HDGF: variants seen among roughly 807,000 people sequenced by gnomAD.
HDGF encodes the protein heparin binding growth factor, also known as hepatoma-derived growth factor.
Under a neutral mutation model 30.0 loss-of-function variants are expected in HDGF, and 5 were observed. That is an observed-to-expected ratio of 0.17 (90% CI 0.09 to 0.35). The LOEUF is 0.35. Among genes scored for constraint, HDGF ranks in the 10% least tolerant of loss-of-function variants. The probability of loss-of-function intolerance (pLI) is 1.00; values close to 1 mark genes in which losing one functional copy is unlikely to be tolerated. For synonymous variants in HDGF, 133 were observed against 112.7 expected (o/e 1.18, Z -1.14); for missense variants, 214 against 302.8 (o/e 0.71, Z 2.18).
upstream of HDGF, among the ~76,000 whole-genome samples, chr1:156,754,078 G>C (rs1651110024): frequency 6.6e-6 from 1 of 151,770 alleles, no homozygotes; most frequent in Non-Finnish European, 1.5e-5. Flanking sequence ...ACCACGCCAG[G>C]CTAATTTTTG....
intron 1 of HDGF, among the ~76,000 whole-genome samples, chr1:156,764,323 G>T (rs1467698914): frequency 6.6e-6 from 1 of 151,974 alleles, no homozygotes; most frequent in African/African-American, 2.4e-5. Flanking sequence ...CCACCTCCCG[G>T]GTTCAAGCGA....
At chr1:156,747,879 C>A (rs1026523960) in intron 1 of HDGF, among the ~76,000 whole-genome samples, 1 of 152,172 alleles carries the variant, frequency 6.6e-6, no homozygotes, top group African/African-American at 2.4e-5. Context: ...GCCACCCCAG[C>A]TTCCCATGGA....
intron 1 of HDGF, among the ~76,000 whole-genome samples, chr1:156,745,894 T>C (rs557833640): frequency 6.6e-6 from 1 of 152,352 alleles, no homozygotes; most frequent in South Asian, 2.1e-4. Context: ...TTTCCTCATC[T>C]GTAAAAGGGA....
At chr1:156,746,875 G>A (rs1210133186) in intron 1 of HDGF, among the ~76,000 whole-genome samples, 3 of 152,206 alleles carry the variant, frequency 2.0e-5, no homozygotes, top group African/African-American at 7.2e-5. Context: ...CACAGAGACA[G>A]GGACAGAGGG....
chr1:156,753,949 T>C (rs1206113430), upstream of HDGF, among the ~76,000 whole-genome samples: 3 of 151,590 alleles, frequency 2.0e-5, no homozygotes, highest in Non-Finnish European at 2.9e-5. Flanking sequence ...GGAGTCTCGC[T>C]CTGTTCCCCG....
intron 1 of HDGF, among the ~76,000 whole-genome samples, chr1:156,748,040 T>C (rs1571549776): frequency 6.6e-6 from 1 of 152,120 alleles, no homozygotes; most frequent in Non-Finnish European, 1.5e-5. Context: ...TGCTGACTTC[T>C]AGCTACATAA....
intron 1 of HDGF, among the ~76,000 whole-genome samples, chr1:156,747,848 G>T (rs2102717470): frequency 6.6e-6 from 1 of 152,268 alleles, no homozygotes; most frequent in South Asian, 2.1e-4. Flanking sequence ...CTGCAAAGTG[G>T]CTACCTGGCC....
chr1:156,744,519 G>A lies in HDGF; in HGVS notation c.304-171C>T, dbSNP rs766655471. On this transcript the variant is annotated intron_variant, in intron 3 of 5. Coordinates refer to ENST00000357325, the MANE Select transcript of HDGF (RefSeq NM_004494.3). ...GACCCACCTCTGTCGGATTAGCCCC[G>A]GGGTAAACCCACTGGCCGGGCAGGC... The A allele has an allele frequency of 5.3e-5, 81 of 1,534,812 alleles. No homozygotes were observed. In the Middle Eastern group the frequency reaches 1.0e-3, roughly 19 times the overall value.
At chr1:156,767,213 C>T, upstream of HDGF, among the ~76,000 whole-genome samples, 1 of 152,186 alleles carries the variant, frequency 6.6e-6, no homozygotes, top group Non-Finnish European at 1.5e-5. Flanking sequence ...ATCTTAGTGG[C>T]CAAGGGGCTA....
chr1:156,758,616 T>TAAAA, intron 2 of HDGF, among the ~76,000 whole-genome samples: 1 of 127,934 alleles, frequency 7.8e-6, no homozygotes, highest in Admixed American at 8.4e-5. Context: ...AATAAATAAA[T>TAAAA]AAATAAAAAA....
At chr1:156,746,762 C>T (rs1326589075) in intron 1 of HDGF, among the ~76,000 whole-genome samples, 1 of 152,172 alleles carries the variant, frequency 6.6e-6, no homozygotes, top group Admixed American at 6.5e-5. Flanking sequence ...CTTGCAGCAG[C>T]CCCAGCAGCC....
intron 1 of HDGF, among the ~76,000 whole-genome samples, chr1:156,761,717 G>A (rs1458044309): frequency 3.3e-5 from 5 of 151,720 alleles, no homozygotes; most frequent in South Asian, 2.1e-4. Flanking sequence ...GGAGGCTGAG[G>A]CGGGCGGATC....
At position 156,743,127 on chromosome 1, in the gene HDGF, G is replaced by A; in HGVS notation, c.*322C>T. 2 of 296,152 alleles carry A rather than the reference G, an allele frequency of 6.8e-6. No homozygotes were observed. Among genetic ancestry groups the A allele is most frequent in the Non-Finnish European group, 1.3e-5 (2 of 159,390 alleles). 18.3% of individuals were successfully genotyped at this position (296,152 alleles called of 1,614,324 possible). On this transcript the variant is annotated 3_prime_UTR_variant, in exon 6 of 6. Transcript: ENST00000357325. The stretch of plus-strand genomic sequence containing the variant: ...AGTGGGAGAAGGGTGTCAGGAGGTG[G>A]GAGCAGTTGTCCCAGGCCCCAGCAG...
At chr1:156,752,651 G>A (rs188829841), upstream of HDGF, among the ~76,000 whole-genome samples, 4 of 152,336 alleles carry the variant, frequency 2.6e-5, no homozygotes, top group East Asian at 7.7e-4. Context: ...TATATGCTAA[G>A]AAGTGATAGA....
chr1:156,750,421 CACACCA>C (rs1650881616), intron 1 of HDGF, among the ~76,000 whole-genome samples: 1 of 152,184 alleles, frequency 6.6e-6, no homozygotes, highest in Non-Finnish European at 1.5e-5. Context: ...ACATGATGAG[CACACCA>C]GGCTTGGCTG....
chr1:156,751,676 A>C, upstream of HDGF: 1 of 1,091,992 alleles, frequency 9.2e-7, no homozygotes, highest in Non-Finnish European at 1.1e-6. The surrounding 1 kb of genome is among the most constrained non-coding windows in gnomAD (Gnocchi z 4.7). Flanking sequence ...TTTGTGTTTG[A>C]AATTCAATTG....
upstream of HDGF, among the ~76,000 whole-genome samples, chr1:156,756,173 A>C (rs1651151736): frequency 6.6e-6 from 1 of 152,156 alleles, no homozygotes; most frequent in African/African-American, 2.4e-5. Context: ...AATCGCCTGA[A>C]CCCAGGAGGT....
rs113137442 is a variant in HDGF at position 156,743,756 on chromosome 1, G to C, written c.612C>G (p.Pro204=). The C allele has an allele frequency of 6.3e-7, 1 of 1,598,602 alleles. No homozygotes were observed. The highest frequency in any genetic ancestry group is 2.2e-5 in the East Asian group (1 of 44,736). The stretch of plus-strand genomic sequence containing the variant: ...CTTGGGGAGGCCCCCGGCCAGAGCC[G>C]GGCTCAGAGGGGGTGCTATTCTTTT... ...EVEKNSTPSE[P]GSGRGPPQEE... The change falls in exon 5 of 6, where the codon CCC becomes CCG. Residue 204 remains proline (P), a synonymous_variant. Transcript: ENST00000357325.
chr1:156,748,625 C>T (rs755712554), intron 1 of HDGF, among the ~76,000 whole-genome samples: 6 of 152,240 alleles, frequency 3.9e-5, no homozygotes, highest in African/African-American at 9.6e-5. Context: ...CAGACACCCT[C>T]TGAGGTCCAA....
Sources: gnomAD v4.1 joint callset for allele counts (sites outside exome capture counted in the v4.1 genomes callset) on GRCh38, gnomAD v4.1.1 for gene constraint, Gnocchi (gnomAD v3.1) non-coding constraint, MANE v1.5 for transcripts, NCBI Gene and HGNC (gene_info 2026-07-23, HGNC 2026-07-21) for gene names.